The following SUGCT variants were observed in gnomAD, a reference collection of about 807,000 sequenced individuals.
SUGCT encodes the protein succinyl-CoA:glutarate CoA-transferase.
A neutral mutation model predicts 55.0 loss-of-function variants in SUGCT; 41 were observed. The observed-to-expected ratio is 0.74, with a 90% CI of 0.58 to 0.97. The LOEUF is 0.97. Among genes scored for constraint, SUGCT ranks in the 50% least tolerant of loss-of-function variants. The probability of loss-of-function intolerance (pLI) is 0.00; values close to 1 mark genes in which losing one functional copy is unlikely to be tolerated. For synonymous variants in SUGCT, 187 were observed against 200.4 expected (o/e 0.93, Z 0.56); for missense variants, 568 against 547.8 (o/e 1.04, Z -0.37).
the SUGCT span, among the ~76,000 whole-genome samples, chr7:40,878,633 T>C: frequency 1.3e-5 from 2 of 152,270 alleles, no homozygotes; most frequent in Non-Finnish European, 2.9e-5. Context: ...AGGCAAATAC[T>C]TTACCAGATA....
intron 9 of SUGCT, among the ~76,000 whole-genome samples, chr7:40,342,194 AACCTCT>A (rs1562697857): frequency 1.3e-5 from 2 of 152,216 alleles, no homozygotes; most frequent in Non-Finnish European, 2.9e-5. Context: ...TTGATTTTTG[AACCTCT>A]CTAATTGTCA....
At chr7:40,696,944 T>C (rs1320476078) in intron 12 of SUGCT, among the ~76,000 whole-genome samples, 1 of 152,192 alleles carries the variant, frequency 6.6e-6, no homozygotes, top group Non-Finnish European at 1.5e-5. Context: ...GGACATTGTG[T>C]TGGCAGAAAA....
chr7:40,438,680 A>C (rs1443304495), intron 9 of SUGCT, among the ~76,000 whole-genome samples: 2 of 151,992 alleles, frequency 1.3e-5, no homozygotes, highest in Non-Finnish European at 2.9e-5. Flanking sequence ...TTGTTTCTTG[A>C]ATTTCTTACA....
At chr7:41,016,050 G>A in the SUGCT span, among the ~76,000 whole-genome samples, 2 of 152,134 alleles carry the variant, frequency 1.3e-5, no homozygotes, top group African/African-American at 2.4e-5. Flanking sequence ...AGCCTAGAAG[G>A]ACTTGTATCT....
intron 11 of SUGCT, among the ~76,000 whole-genome samples, chr7:40,468,044 G>A (rs958899904): frequency 1.4e-5 from 2 of 147,916 alleles, no homozygotes; most frequent in East Asian, 2.0e-4. Context: ...CTTGTTCTGC[G>A]TTGTGGGTAA....
chr7:40,993,323 T>C, the SUGCT span, among the ~76,000 whole-genome samples: 524 of 152,222 alleles, frequency 3.4e-3, 1 homozygote, highest in Non-Finnish European at 5.5e-3. Context: ...GCTCACTCTA[T>C]GGAGGAAGAG....
At chr7:40,707,534 T>A (rs1785487276) in intron 12 of SUGCT, among the ~76,000 whole-genome samples, 1 of 152,214 alleles carries the variant, frequency 6.6e-6, no homozygotes, top group South Asian at 2.1e-4. Flanking sequence ...AATAGACTTC[T>A]GGCTCTTTGC....
chr7:40,772,059 T>C (rs1425790875), intron 13 of SUGCT, among the ~76,000 whole-genome samples: 2 of 152,128 alleles, frequency 1.3e-5, no homozygotes, highest in Non-Finnish European at 1.5e-5. Flanking sequence ...CAAGCATAAT[T>C]ATTAATAGTG....
chr7:40,691,702 C>A (rs1284222612), intron 12 of SUGCT, among the ~76,000 whole-genome samples: 1 of 152,148 alleles, frequency 6.6e-6, no homozygotes, highest in Non-Finnish European at 1.5e-5. Context: ...AATGGAAAGT[C>A]AAATGGATGT....
chr7:40,526,999 A>T lies in SUGCT; in HGVS notation c.1089+30613A>T, dbSNP rs142406009. ...TTTTTAAGCCATACTTTTCTTTCTTACTTTTTTTTCAGTTCTCATTTAATT... is the reference window on the plus strand; with the variant it reads ...TTTTTAAGCCATACTTTTCTTTCTTTCTTTTTTTTCAGTTCTCATTTAATT... On this transcript the variant is annotated intron_variant, in intron 12 of 13. Transcript: ENST00000335693. 4.6e-5 allele frequency among the ~76,000 whole-genome samples: 7 copies of T among 152,120 alleles called. No homozygotes were observed. The East Asian group carries it at 1.4e-3, about 29-fold the overall frequency.
At chr7:40,885,702 G>A in the SUGCT span, among the ~76,000 whole-genome samples, 8 of 152,170 alleles carry the variant, frequency 5.3e-5, no homozygotes, top group African/African-American at 9.6e-5. Flanking sequence ...GACCCCTGAC[G>A]TCTTCCTGAG....
intron 10 of SUGCT, among the ~76,000 whole-genome samples, chr7:40,453,614 A>C (rs1000973648): frequency 6.6e-6 from 1 of 152,220 alleles, no homozygotes; most frequent in African/African-American, 2.4e-5. Context: ...CCTTAATCAA[A>C]ATGAGAATCA....
chr7:40,729,920 A>G (rs2128694272), intron 12 of SUGCT, among the ~76,000 whole-genome samples: 1 of 152,178 alleles, frequency 6.6e-6, no homozygotes, highest in South Asian at 2.1e-4. Context: ...TGTATGTGAA[A>G]TCTCCAAATT....
At chr7:40,603,230 A>G (rs1340102901) in intron 12 of SUGCT, among the ~76,000 whole-genome samples, 1 of 152,214 alleles carries the variant, frequency 6.6e-6, no homozygotes, top group East Asian at 1.9e-4. Flanking sequence ...TTACACTTGA[A>G]TAATTGGATG....
chr7:40,753,468 C>T (rs1584388211), intron 13 of SUGCT, among the ~76,000 whole-genome samples: 1 of 152,164 alleles, frequency 6.6e-6, no homozygotes, highest in African/African-American at 2.4e-5. Context: ...CACATCTTCA[C>T]GTTTACAGTA....
intron 9 of SUGCT, among the ~76,000 whole-genome samples, chr7:40,392,741 C>T (rs1785512844): frequency 6.6e-6 from 1 of 152,012 alleles, no homozygotes; most frequent in African/African-American, 2.4e-5. Context: ...GGAAGGGAAG[C>T]CAGATTTAAT....
chr7:40,214,262 A>C (rs1344116651), intron 6 of SUGCT, among the ~76,000 whole-genome samples: 1 of 152,202 alleles, frequency 6.6e-6, no homozygotes, highest in Admixed American at 6.5e-5. Flanking sequence ...GAGCAAAACA[A>C]AAAAATTACT....
chr7:40,183,811 C>T (rs1785350239), intron 3 of SUGCT, among the ~76,000 whole-genome samples: 2 of 152,118 alleles, frequency 1.3e-5, no homozygotes, highest in African/African-American at 4.8e-5. Context: ...ACATTTCTCA[C>T]TTTTGTTTGG....
chr7:40,423,665 C>T (rs910676187), intron 9 of SUGCT, among the ~76,000 whole-genome samples: 9 of 152,112 alleles, frequency 5.9e-5, no homozygotes, highest in Admixed American at 5.2e-4. Flanking sequence ...ACATAAACCT[C>T]ATTACACTGG....
Sources: gnomAD v4.1 joint callset for allele counts (sites outside exome capture counted in the v4.1 genomes callset) on GRCh38, gnomAD v4.1.1 for gene constraint, MANE v1.5 for transcripts, NCBI Gene and HGNC (gene_info 2026-07-23, HGNC 2026-07-21) for gene names.